Variants in COL8A2 observed in about 807,000 individuals in gnomAD.
COL8A2 encodes collagen alpha-2(VIII) chain.
A neutral mutation model predicts 24.0 loss-of-function variants in COL8A2; 16 were observed. That is an observed-to-expected ratio of 0.67 (90% confidence interval 0.45 to 1.01). The LOEUF (loss-of-function observed/expected upper bound fraction) is 1.01, where lower values mean the gene tolerates loss of function less well. Among genes scored for constraint, COL8A2 ranks in the 50% least tolerant of loss-of-function variants. The probability of loss-of-function intolerance (pLI) is 0.00; values close to 1 mark genes in which losing one functional copy is unlikely to be tolerated. For missense variants in COL8A2, 818 were observed against 942.4 expected, an observed-to-expected ratio of 0.87 and a Z score of 1.73; for synonymous variants, 466 against 424.5, an observed-to-expected ratio of 1.10 and a Z score of -1.20.
chr1:36,118,716 G>A lies in COL8A2; in HGVS notation c.-61-2964C>T, dbSNP rs560912303. Among the ~76,000 whole-genome samples the A allele has an allele frequency of 4.0e-5, 6 of 151,750 alleles. No individual in the cohort carries two copies. The East Asian group carries it at 1.2e-3, about 29-fold the overall frequency. On this transcript the variant is annotated intron_variant, in intron 1 of 3. Transcript: ENST00000397799. ...CCAACCAGCTTCTGAGAGCTGCAGG[G>A]TTCCAGGGAGGCTGGCCAGGGCCTC...
intron 2 of COL8A2, among the ~76,000 whole-genome samples, chr1:36,112,874 C>T (rs573007813): frequency 2.0e-5 from 3 of 152,318 alleles, no homozygotes; most frequent in Admixed American, 6.5e-5. Context: ...TCCCAGAGGA[C>T]GCTGACCCTG....
In COL8A2 at chr1:36,098,797, G is replaced by C. The variant is rs1443358115; in HGVS notation, c.884C>G (p.Ser295Ter). 1 of 1,612,054 alleles carries C rather than the reference G, an allele frequency of 6.2e-7. No individual in the cohort carries two copies. The highest frequency in any genetic ancestry group is 8.5e-7 in the Non-Finnish European group (1 of 1,179,736). The change falls in exon 4 of 4, where the codon TCA (serine) becomes TGA (stop). Residue 295 changes from serine to a stop codon, truncating the protein, a stop_gained. Coordinates refer to ENST00000397799, the MANE Select transcript of COL8A2 (RefSeq NM_005202.4). LOFTEE classifies it high-confidence loss of function. ...GGTCCCTGGCTCCCCTTTGGCCCCT[G>C]ATGGGCCCTGTGGTCCTGGCAACCC... ...AAGLPGPQGPSGAKGEPGTRG... is the reference protein window; with the variant it reads ...AAGLPGPQGP
intron 2 of COL8A2, 85 bp from the exon 3 acceptor site, chr1:36,100,343 G>C: frequency 8.7e-7 from 1 of 1,154,054 alleles, no homozygotes. Flanking sequence ...TCAGAATTTA[G>C]AGATTACACT....
rs1286382587 is a variant in COL8A2, at chr1:36,098,488, G to A, written c.1193C>T (p.Pro398Leu). The stretch of plus-strand genomic sequence containing the variant: ...CCCTGGTTTCCCAGCCAGGCCACTA[G>A]GCCCCTGGTCACCTCGAATGCCAGG... The part of the protein sequence containing the change: ...GVPGIRGDQG[P>L]SGLAGKPGVP... Residue 398 changes from proline (P) to leucine (L), a missense_variant, in exon 4 of 4, where the codon CCT becomes CTT. By Grantham distance (98) the Pro-to-Leu change is moderately conservative. This residue lies in a region of COL8A2 where 573 missense variants were observed against 616.8 expected (regional missense o/e 0.93). Transcript: ENST00000397799. 3 of 1,581,842 alleles carry A rather than the reference G, an allele frequency of 1.9e-6. No homozygotes were observed. The highest frequency in any genetic ancestry group is 3.6e-5 in the Admixed American group (2 of 55,960).
chr1:36,100,867 G>A (rs1024966799), intron 2 of COL8A2, among the ~76,000 whole-genome samples: 4 of 143,682 alleles, frequency 2.8e-5, no homozygotes, highest in African/African-American at 5.3e-5. Flanking sequence ...AGTCTATGGC[G>A]CTTAGCATAG....
In COL8A2 at chr1:36,096,995, A is replaced by G. The variant is rs899840604; in HGVS notation, c.*574T>C. Reference sequence around the variant, plus strand: ...AACAGGCACTGTGCCCACCACGGACATGTCTGATGCCACAGCATCACCATG... The same window carrying G: ...AACAGGCACTGTGCCCACCACGGACGTGTCTGATGCCACAGCATCACCATG... On this transcript the variant is annotated 3_prime_UTR_variant, in exon 4 of 4. Transcript: ENST00000397799. 2.6e-5 allele frequency: 4 copies of G among 156,030 alleles called. No homozygotes were observed. Among genetic ancestry groups the G allele is most frequent in the African/African-American group, 7.2e-5 (3 of 41,482 alleles). The allele number at this position is 156,030 out of a possible 1,614,324, so 9.7% of individuals were successfully genotyped here.
intron 2 of COL8A2, among the ~76,000 whole-genome samples, chr1:36,110,613 C>T (rs1192362070): frequency 1.3e-5 from 2 of 152,190 alleles, no homozygotes; most frequent in African/African-American, 4.8e-5. Flanking sequence ...CATCAGCCTC[C>T]CGTGTGGCTG....
chr1:36,099,198 A>AG lies in COL8A2; in HGVS notation c.482dup (p.Gly162TrpfsTer40). 6.6e-7 allele frequency: 1 copy of AG among 1,518,896 alleles called. No individual in the cohort carries two copies. 94.1% of individuals were successfully genotyped at this position (1,518,896 alleles called of 1,614,324 possible). ...TAATGCCTGAGGGGCCCGGGAGGCC[A>AG]GGGGGTCCTGGGGGTCCCCGGAGGC... On this transcript the variant is annotated frameshift_variant, in exon 4 of 4. Transcript: ENST00000397799. LOFTEE classifies it low-confidence loss of function (END_TRUNC).
chr1:36,098,628 C>T lies in COL8A2; in HGVS notation c.1053G>A (p.Gln351=). The change falls in exon 4 of 4, where the codon CAG becomes CAA. Residue 351 remains glutamine (Q), a synonymous_variant. Coordinates refer to ENST00000397799, the MANE Select transcript of COL8A2 (RefSeq NM_005202.4). Reference sequence around the variant, plus strand: ...GGGGACCCCCAAGACCCTGTGGGCCCTGCTCCCCTGGCTCCCCATCCTCCC... The same window carrying T: ...GGGGACCCCCAAGACCCTGTGGGCCTTGCTCCCCTGGCTCCCCATCCTCCC... The part of the protein sequence containing the change: ...EPGEDGEPGE[Q]GPQGLGGPPG... The T allele has an allele frequency of 6.2e-7, 1 of 1,611,442 alleles. No homozygotes were observed. Among genetic ancestry groups the T allele is most frequent in the Non-Finnish European group, 8.5e-7 (1 of 1,179,498 alleles).
intron 2 of COL8A2, among the ~76,000 whole-genome samples, chr1:36,108,123 T>C (rs1643786844): frequency 6.6e-6 from 1 of 152,226 alleles, no homozygotes; most frequent in Non-Finnish European, 1.5e-5. Flanking sequence ...CACAGATAAA[T>C]GTCACATTCA....
At chr1:36,110,726 A>G (rs914240024) in intron 2 of COL8A2, among the ~76,000 whole-genome samples, 1 of 151,632 alleles carries the variant, frequency 6.6e-6, no homozygotes, top group Non-Finnish European at 1.5e-5. Context: ...GCCTGACCTC[A>G]AGTGATCCAC....
In COL8A2 at chr1:36,116,966, C is replaced by T. The variant is rs986832573; in HGVS notation, c.-61-1214G>A. ...TCGTAGTCCAGGTCACATAGCTGTA[C>T]GCAGAGGATCCAGAGCTAAAGTCCA... On this transcript the variant is annotated intron_variant, in intron 1 of 3. Coordinates refer to ENST00000397799, the MANE Select transcript of COL8A2 (RefSeq NM_005202.4). 5.9e-5 allele frequency among the ~76,000 whole-genome samples: 9 copies of T among 152,204 alleles called. No homozygotes were observed. In the East Asian group the frequency reaches 1.3e-3, roughly 23 times the overall value.
intron 2 of COL8A2, among the ~76,000 whole-genome samples, chr1:36,109,310 CT>C: frequency 6.6e-6 from 1 of 152,218 alleles, no homozygotes; most frequent in Non-Finnish European, 1.5e-5. Flanking sequence ...TGGGTCTCTA[CT>C]CCTGACTCCT....
Position 36,098,375 on chromosome 1 carries a change from C to T in COL8A2, c.1306G>A (p.Gly436Arg), listed in dbSNP as rs762261875. Residue 436 changes from glycine (G) to arginine (R), a missense_variant, in exon 4 of 4, where the codon GGA becomes AGA. Gly to Arg is a moderately radical substitution (Grantham distance 125). This residue lies in a region of COL8A2 where 573 missense variants were observed against 616.8 expected (regional missense o/e 0.93). Transcript: ENST00000397799. Reference sequence around the variant, plus strand: ...AGGGCTCCTGCCACCCCTGGTCCTCCAGGGCGACCCGTGAAACCCGGCTCA... The same window carrying T: ...AGGGCTCCTGCCACCCCTGGTCCTCTAGGGCGACCCGTGAAACCCGGCTCA... ...KGEPGFTGRP[G>R]GPGVAGALGQ... 1 of 1,554,668 alleles carries T rather than the reference C, an allele frequency of 6.4e-7. No individual in the cohort carries two copies.
intron 1 of COL8A2, among the ~76,000 whole-genome samples, chr1:36,124,154 A>C (rs1201316606): frequency 6.6e-6 from 1 of 152,150 alleles, no homozygotes; most frequent in East Asian, 1.9e-4. Context: ...GATAGCAGAC[A>C]GGAGGGATGA....
rs542583505 is a variant in COL8A2, at chr1:36,098,014, A to G, written c.1667T>C (p.Leu556Pro). 6.1e-5 allele frequency: 98 copies of G among 1,596,098 alleles called. No homozygotes were observed. The highest frequency in any genetic ancestry group is 8.3e-5 in the Non-Finnish European group (97 of 1,175,588). Reference protein sequence around the residue: ...LPNGGVEGAVLGKGGKPQFGL... With the variant: ...LPNGGVEGAVPGKGGKPQFGL... ...AAACTGTGGCTTGCCCCCCTTGCCC[A>G]GCACGGCACCCTCCACACCGCCGTT... Residue 556 changes from leucine to proline, a missense_variant, in exon 4 of 4, where the codon CTG becomes CCG. Physicochemically the swap from Leu to Pro is moderately conservative, Grantham distance 98. Transcript: ENST00000397799.
In COL8A2 at chr1:36,097,491, A is replaced by G; in HGVS notation, c.*78T>C. 4.1e-6 allele frequency: 5 copies of G among 1,213,072 alleles called. No individual in the cohort carries two copies. Among genetic ancestry groups the G allele is most frequent in the Non-Finnish European group, 5.8e-6 (5 of 857,404 alleles). 75.1% of individuals were successfully genotyped at this position (1,213,072 alleles called of 1,614,324 possible). A position where few individuals can be genotyped will look rare whatever the true frequency, so the allele number is the denominator to read the frequency against. ...CTGTTCAGCTTTTGTTTTTTTTTCCAGGAGGTTCTTTGTAATTGAAAAGGT... is the reference window on the plus strand; with the variant it reads ...CTGTTCAGCTTTTGTTTTTTTTTCCGGGAGGTTCTTTGTAATTGAAAAGGT... On this transcript the variant is annotated 3_prime_UTR_variant, in exon 4 of 4. Transcript: ENST00000397799.
At chr1:36,119,662 G>C (rs1010086559) in intron 1 of COL8A2, among the ~76,000 whole-genome samples, 3 of 152,204 alleles carry the variant, frequency 2.0e-5, no homozygotes, top group Admixed American at 1.3e-4. Context: ...GTGGCCTGGA[G>C]TGCCCACGCA....
Position 36,125,165 on chromosome 1 carries a change from G to T in COL8A2, c.-170C>A, listed in dbSNP as rs1383494614. 2 of 510,134 alleles carry T rather than the reference G, an allele frequency of 3.9e-6. No individual in the cohort carries two copies. Among genetic ancestry groups the T allele is most frequent in the Non-Finnish European group, 5.0e-6 (2 of 397,560 alleles). 31.6% of individuals were successfully genotyped at this position (510,134 alleles called of 1,614,324 possible). A position where few individuals can be genotyped will look rare whatever the true frequency, so the allele number is the denominator to read the frequency against. ...TGGGCGGGCGGCGTTGGGGTCCGGG[G>T]TCCGCGCCGGCGGGGTTCCGCGTCG... On this transcript the variant is annotated 5_prime_UTR_variant, in exon 1 of 4. Coordinates refer to ENST00000397799, the MANE Select transcript of COL8A2 (RefSeq NM_005202.4). This position sits in a 1 kb window ranked among gnomAD's most constrained non-coding sequence, Gnocchi z 4.5.
Sources: allele counts gnomAD v4.1 joint callset (sites outside exome capture counted in the v4.1 genomes callset), GRCh38; gene constraint gnomAD v4.1.1; regional missense constraint gnomAD v4.1.1; non-coding constraint Gnocchi (gnomAD v3.1); transcripts MANE v1.5; gene names NCBI Gene and HGNC (gene_info 2026-07-23, HGNC 2026-07-21).